DYNC2H1: variants seen among roughly 807,000 people sequenced by gnomAD.
The protein encoded by DYNC2H1 is cytoplasmic dynein 2 heavy chain 1.
Under a neutral mutation model 570.0 loss-of-function variants are expected in DYNC2H1, and 410 were observed. That is an observed-to-expected ratio of 0.72 (90% confidence interval 0.66 to 0.78). DYNC2H1 has a LOEUF of 0.78. Among genes scored for constraint, DYNC2H1 ranks in the 30% least tolerant of loss-of-function variants. The pLI is 0.00. For missense variants in DYNC2H1, 4,865 were observed against 5,046.4 expected (o/e 0.96, Z 1.09); for synonymous variants, 1,688 against 1,677.6 (o/e 1.01, Z -0.15).
chr11:103,119,165 G>T (rs188549050), intron 6 of DYNC2H1, among the ~76,000 whole-genome samples: 2 of 151,992 alleles, frequency 1.3e-5, no homozygotes, highest in Non-Finnish European at 1.5e-5. Flanking sequence ...AGTTCCATTG[G>T]CAACCAATGA....
intron 17 of DYNC2H1, among the ~76,000 whole-genome samples, chr11:103,141,209 C>A (rs1045543806): frequency 6.6e-6 from 1 of 152,228 alleles, no homozygotes; most frequent in Non-Finnish European, 1.5e-5. Context: ...CTCAACTCGT[C>A]AAAGTCATTC....
At chr11:103,314,086 A>ACCATG (rs1937674382) in intron 79 of DYNC2H1, among the ~76,000 whole-genome samples, 3 of 152,160 alleles carry the variant, frequency 2.0e-5, no homozygotes, top group Non-Finnish European at 4.4e-5. Flanking sequence ...ATTAAGTTAT[A>ACCATG]TAGGCACATG....
chr11:103,327,641 A>G (rs116470950), intron 82 of DYNC2H1, among the ~76,000 whole-genome samples: 1 of 152,176 alleles, frequency 6.6e-6, no homozygotes, highest in African/African-American at 2.4e-5. Flanking sequence ...GATAGAGCAG[A>G]TACAGCCTTA....
chr11:103,274,595 T>A (rs1865837691), intron 70 of DYNC2H1, among the ~76,000 whole-genome samples: 1 of 152,212 alleles, frequency 6.6e-6, no homozygotes, highest in South Asian at 2.1e-4. Context: ...ATTATTTAAC[T>A]ACAAATCTGA....
At chr11:103,155,302 T>G (rs770144440) in intron 24 of DYNC2H1, 29 bp from the exon 25 acceptor site, 1 of 1,531,634 alleles carries the variant, frequency 6.5e-7, no homozygotes, top group African/African-American at 1.7e-5. Context: ...TGTATACATA[T>G]GACTTTTTCT....
chr11:103,331,195 T>A (rs1938769477), intron 82 of DYNC2H1, among the ~76,000 whole-genome samples: 3 of 152,154 alleles, frequency 2.0e-5, no homozygotes, highest in Non-Finnish European at 4.4e-5. Flanking sequence ...AATAAATAGT[T>A]AAAAAATAAA....
Position 103,187,386 on chromosome 11 carries a change from G to A in DYNC2H1, c.6940G>A (p.Ala2314Thr), listed in dbSNP as rs765412393. The A allele has an allele frequency of 6.2e-7, 1 of 1,613,034 alleles. No homozygotes were observed. Among genetic ancestry groups the A allele is most frequent in the African/African-American group, 1.3e-5 (1 of 74,854 alleles). The stretch of plus-strand genomic sequence containing the variant: ...TTCACAACTCCGGTCCACTCAAATT[G>A]CTACAGTTCACTGTAGTGCACAAAC... ...AFSQLRSTQI[A>T]TVHCSAQTTS... The change falls in exon 43 of 89, where the codon GCT (alanine) becomes ACT (threonine). Residue 2314 changes from alanine (A) to threonine (T), a missense_variant. Ala to Thr is a moderately conservative substitution (Grantham distance 58). This residue lies in a region of DYNC2H1 where 2,401 missense variants were observed against 2,454.6 expected (regional missense o/e 0.98). Coordinates refer to ENST00000375735, the MANE Select transcript of DYNC2H1 (RefSeq NM_001377.3).
intron 70 of DYNC2H1, among the ~76,000 whole-genome samples, chr11:103,265,452 T>C (rs1447189442): frequency 6.6e-6 from 1 of 152,228 alleles, no homozygotes; most frequent in Non-Finnish European, 1.5e-5. Flanking sequence ...CTGCTCTTAA[T>C]AATTTAGATT....
At chr11:103,419,045 G>T (rs954344271) in intron 84 of DYNC2H1, among the ~76,000 whole-genome samples, 4 of 152,218 alleles carry the variant, frequency 2.6e-5, no homozygotes, top group African/African-American at 9.6e-5. Context: ...GCGTCATTCT[G>T]CAGGGCCCAC....
intron 85 of DYNC2H1, among the ~76,000 whole-genome samples, chr11:103,451,226 C>T (rs1944587273): frequency 6.7e-6 from 1 of 148,528 alleles, no homozygotes; most frequent in Non-Finnish European, 1.5e-5. Context: ...AATTATGCTT[C>T]TAATTTGTTA....
rs1459619931 is a variant in DYNC2H1, at chr11:103,461,188, T to A, written c.12648+4832T>A. Among the ~76,000 whole-genome samples, 4 of 152,210 alleles carry A rather than the reference T, an allele frequency of 2.6e-5. No homozygotes were observed. Among genetic ancestry groups the A allele is most frequent in the African/African-American group, 9.6e-5 (4 of 41,466 alleles). ...TTAGCACTTGGCAAAATTAGTAAGT[T>A]CATTTGTCCATTTAGGCTCCTTTTA... On this transcript the variant is annotated intron_variant, in intron 87 of 88. Transcript: ENST00000375735. The surrounding 1 kb of genome is among the most constrained non-coding windows in gnomAD (Gnocchi z 4.8).
At position 103,472,431 on chromosome 11, in the gene DYNC2H1, G is replaced by A. The variant is rs1253139027; in HGVS notation, c.12765+3726G>A. Among the ~76,000 whole-genome samples the A allele has an allele frequency of 1.3e-5, 2 of 152,130 alleles. No homozygotes were observed. The highest frequency in any genetic ancestry group is 4.8e-5 in the African/African-American group (2 of 41,440). On this transcript the variant is annotated intron_variant, in intron 88 of 88. Transcript: ENST00000375735. The surrounding 1 kb of genome is among the most constrained non-coding windows in gnomAD (Gnocchi z 4.1). Reference sequence around the variant, plus strand: ...ACAGGAGTATGGTAAGATCAGATTTGTAGTTTTAGAAAATCGGTCTAGCAG... The same window carrying A: ...ACAGGAGTATGGTAAGATCAGATTTATAGTTTTAGAAAATCGGTCTAGCAG...
At chr11:103,386,949 A>C (rs1341111946) in intron 83 of DYNC2H1, among the ~76,000 whole-genome samples, 2 of 151,644 alleles carry the variant, frequency 1.3e-5, no homozygotes, top group African/African-American at 2.4e-5. Flanking sequence ...TGAATAGTGC[A>C]GCAATAAACA....
At chr11:103,351,187 C>G (rs1454322184) in intron 82 of DYNC2H1, among the ~76,000 whole-genome samples, 17 of 152,200 alleles carry the variant, frequency 1.1e-4, no homozygotes, top group Non-Finnish European at 2.5e-4. Flanking sequence ...TTCAAAATGT[C>G]CTTACTCATG....
At chr11:103,346,698 T>C (rs1445781540) in intron 82 of DYNC2H1, among the ~76,000 whole-genome samples, 1 of 152,200 alleles carries the variant, frequency 6.6e-6, no homozygotes, top group Non-Finnish European at 1.5e-5. Context: ...TTTTTGAAAA[T>C]GCAGTTAAAG....
intron 17 of DYNC2H1, among the ~76,000 whole-genome samples, chr11:103,140,833 C>T (rs11822697): frequency 0.12 from 17,948 of 152,236 alleles, 1,177 homozygotes; most frequent in Middle Eastern, 0.22. Flanking sequence ...CCGTCACTTT[C>T]AGGTACACCC....
chr11:103,221,443 G>C (rs1863584046), intron 57 of DYNC2H1, among the ~76,000 whole-genome samples: 1 of 152,174 alleles, frequency 6.6e-6, no homozygotes, highest in Non-Finnish European at 1.5e-5. Context: ...TAGAACATAT[G>C]AGTACCTAAT....
rs898674222 is a variant in DYNC2H1 at position 103,158,987 on chromosome 11, C to G, written c.4338C>G (p.Asn1446Lys). The G allele has an allele frequency of 6.2e-7, 1 of 1,613,342 alleles. No homozygotes were observed. Among genetic ancestry groups the G allele is most frequent in the African/African-American group, 1.3e-5 (1 of 74,890 alleles). ...DLLEILGQSTNPSVIQSHLKK... is the reference protein window; with the variant it reads ...DLLEILGQSTKPSVIQSHLKK... ...TAGAAATATTGGGCCAGTCTACCAACCCATCAGTGATTCAGTCTCACCTGA... is the reference window on the plus strand; with the variant it reads ...TAGAAATATTGGGCCAGTCTACCAAGCCATCAGTGATTCAGTCTCACCTGA... Residue 1446 changes from asparagine (N) to lysine (K), a missense_variant, in exon 28 of 89, where the codon AAC becomes AAG. By Grantham distance (94) the Asn-to-Lys change is moderately conservative (BLOSUM62 0). This residue lies in a region of DYNC2H1 where 1,936 missense variants were observed against 1,962.1 expected (regional missense o/e 0.99). Transcript: ENST00000375735.
intron 85 of DYNC2H1, among the ~76,000 whole-genome samples, chr11:103,441,100 G>T (rs937461613): frequency 2.6e-5 from 4 of 152,028 alleles, no homozygotes; most frequent in Non-Finnish European, 4.4e-5. Context: ...TTAAGGTGAA[G>T]CCCCATTATC....
Sources: allele counts gnomAD v4.1 joint callset (sites outside exome capture counted in the v4.1 genomes callset), GRCh38; gene constraint gnomAD v4.1.1; regional missense constraint gnomAD v4.1.1; non-coding constraint Gnocchi (gnomAD v3.1); transcripts MANE v1.5; gene names NCBI Gene and HGNC (gene_info 2026-07-23, HGNC 2026-07-21).